Variants in RUNX1T1 observed in about 807,000 individuals in gnomAD.
RUNX1T1 encodes RUNX1 partner transcriptional co-repressor 1.
Under a neutral mutation model 62.8 loss-of-function variants are expected in RUNX1T1, and 4 were observed. That is an observed-to-expected ratio of 0.06 (90% confidence interval 0.03 to 0.15). The LOEUF (loss-of-function observed/expected upper bound fraction) is 0.15. RUNX1T1 is among the 10% of genes least tolerant of loss of function. RUNX1T1 has a pLI of 1.00. For synonymous variants in RUNX1T1, 291 were observed against 286.0 expected (o/e 1.02, Z -0.18); for missense variants, 508 against 754.3 (o/e 0.67, Z 3.82).
intron 9 of RUNX1T1, among the ~76,000 whole-genome samples, chr8:91,974,336 T>C (rs1235789518): frequency 3.3e-5 from 5 of 152,096 alleles, no homozygotes; most frequent in Admixed American, 3.3e-4. Flanking sequence ...AAAAATCTAT[T>C]CTCACTTAAT....
intron 10 of RUNX1T1, among the ~76,000 whole-genome samples, chr8:91,962,902 A>G (rs1350398932): frequency 6.6e-6 from 1 of 152,218 alleles, no homozygotes; most frequent in Non-Finnish European, 1.5e-5. Flanking sequence ...TTTGGCAGAC[A>G]CAGGGTGGTA....
At chr8:91,976,329 C>T (rs1260466353) in intron 8 of RUNX1T1, among the ~76,000 whole-genome samples, 1 of 152,124 alleles carries the variant, frequency 6.6e-6, no homozygotes, top group Non-Finnish European at 1.5e-5. Flanking sequence ...TGGTAGTTTT[C>T]CTTTCATGAG....
chr8:92,027,869 C>T (rs1414972119), intron 1 of RUNX1T1, among the ~76,000 whole-genome samples: 2 of 152,030 alleles, frequency 1.3e-5, no homozygotes, highest in Admixed American at 6.6e-5. Context: ...ACAGGGACAA[C>T]AGGAATTCCC....
chr8:92,063,749 T>G (rs749264363), upstream of RUNX1T1: 1 of 152,242 alleles, frequency 6.6e-6, no homozygotes, highest in East Asian at 1.9e-4. Context: ...TGTTCTCTCC[T>G]AAAACTCTTT....
At chr8:92,017,483 A>C in intron 1 of RUNX1T1, 120 bp from the exon 3 acceptor site, 1 of 1,560,352 alleles carries the variant, frequency 6.4e-7, no homozygotes, top group Non-Finnish European at 8.7e-7. Flanking sequence ...TATCAATAAA[A>C]TACACTTATC....
At chr8:92,062,782 A>G (rs1231010083) in exon 1 of RUNX1T1, 7 of 1,500,324 alleles carry the variant, frequency 4.7e-6, no homozygotes, top group Middle Eastern at 2.3e-4. Context: ...GGATGACAGG[A>G]GCACATGTGG....
chr8:92,095,017 G>A, intron 1 of RUNX1T1: 2 of 1,531,524 alleles, frequency 1.3e-6, no homozygotes, highest in South Asian at 1.2e-5. Flanking sequence ...AAGGCCCTCC[G>A]GTATTCTCAC....
chr8:91,965,143 A>C (rs1811306335), intron 10 of RUNX1T1, among the ~76,000 whole-genome samples: 1 of 152,172 alleles, frequency 6.6e-6, no homozygotes, highest in Non-Finnish European at 1.5e-5. Flanking sequence ...TAGAATTAGA[A>C]GGCTGATGGT....
intron 10 of RUNX1T1, 35 bp from the exon 12 acceptor site, chr8:91,960,552 G>A (rs2977676): frequency 0.53 from 842,962 of 1,605,334 alleles, 233,455 homozygotes; most frequent in East Asian, 0.86. Context: ...AAGATCCCAA[G>A]TTAATACACT....
At chr8:92,009,756 T>A (rs1398079846) in intron 4 of RUNX1T1, 2 of 152,090 alleles carry the variant, frequency 1.3e-5, no homozygotes, top group Non-Finnish European at 2.9e-5. Flanking sequence ...CAATTTGCTT[T>A]TAAATAAGAA....
upstream of RUNX1T1, among the ~76,000 whole-genome samples, chr8:92,066,468 T>C (rs1166686616): frequency 1.3e-5 from 2 of 152,194 alleles, no homozygotes; most frequent in Non-Finnish European, 2.9e-5. Context: ...AAGGTTTTGA[T>C]TTTCCACCCA....
chr8:92,042,020 G>A (rs1374614748), intron 1 of RUNX1T1, among the ~76,000 whole-genome samples: 3 of 151,686 alleles, frequency 2.0e-5, no homozygotes, highest in African/African-American at 4.8e-5. Flanking sequence ...ACAGGGCTTC[G>A]CCACCTTGGC....
chr8:92,039,210 T>A (rs1274014043), intron 1 of RUNX1T1, among the ~76,000 whole-genome samples: 1 of 151,716 alleles, frequency 6.6e-6, no homozygotes, highest in Non-Finnish European at 1.5e-5. Flanking sequence ...TTTCACTATG[T>A]TGCCCAGGCT....
intron 1 of RUNX1T1, among the ~76,000 whole-genome samples, chr8:92,027,334 A>T (rs1825410664): frequency 6.6e-6 from 1 of 152,182 alleles, no homozygotes; most frequent in Admixed American, 6.5e-5. Context: ...TCAGAAAAGG[A>T]CAATGGCATC....
intron 8 of RUNX1T1, among the ~76,000 whole-genome samples, chr8:91,981,087 C>T (rs1002662521): frequency 1.2e-4 from 19 of 152,126 alleles, no homozygotes; most frequent in Admixed American, 1.2e-3. Context: ...TACAGAAATG[C>T]TTATGAAATA....
intron 1 of RUNX1T1, among the ~76,000 whole-genome samples, chr8:92,092,419 C>T (rs569066381): frequency 1.3e-5 from 2 of 152,230 alleles, no homozygotes; most frequent in Admixed American, 6.5e-5. Context: ...TATGCAGGCA[C>T]TCAAGCATAA....
rs1385106748 is a variant in RUNX1T1, at chr8:91,960,261, A to G, written c.1715T>C (p.Ile572Thr). ...TCACGTCTAGCGAGGGGTTGTCTCT[A>G]TGGTGGAAGGGGTTCCCGGGGTGGT... The change falls in exon 11 of 11, where the codon ATA becomes ACA. Residue 572 changes from isoleucine to threonine, a missense_variant. Physicochemically the swap from Ile to Thr is moderately conservative, Grantham distance 89. Transcript: ENST00000396218. 7 of 1,609,522 alleles carry G rather than the reference A, an allele frequency of 4.3e-6. No homozygotes were observed. The highest frequency in any genetic ancestry group is 2.2e-5 in the South Asian group (2 of 90,112).
chr8:91,984,851 C>A (rs1816209601), intron 8 of RUNX1T1, among the ~76,000 whole-genome samples: 1 of 152,066 alleles, frequency 6.6e-6, no homozygotes, highest in Admixed American at 6.5e-5. Context: ...CTTAATGTGA[C>A]CTGACAAATA....
chr8:92,062,718 C>T (rs1321243361), exon 1 of RUNX1T1: 2 of 1,579,496 alleles, frequency 1.3e-6, no homozygotes, highest in East Asian at 2.2e-5. Context: ...GCCTGCCAGG[C>T]AGAGACAGAT....
Sources: gnomAD v4.1 joint callset for allele counts (sites outside exome capture counted in the v4.1 genomes callset) on GRCh38, gnomAD v4.1.1 for gene constraint, MANE v1.5 for transcripts, NCBI Gene and HGNC (gene_info 2026-07-23, HGNC 2026-07-21) for gene names.